The following ARHGAP12 variants were observed in gnomAD, a reference collection of about 807,000 sequenced individuals.
ARHGAP12 encodes the protein rho GTPase-activating protein 12.
ARHGAP12 carries 64 observed loss-of-function variants against 108.6 expected under a neutral mutation model. The observed-to-expected ratio is 0.59, with a 90% confidence interval of 0.48 to 0.73. The LOEUF is 0.73. Among genes scored for constraint, ARHGAP12 ranks in the 30% least tolerant of loss-of-function variants. ARHGAP12 has a pLI of 0.00. For synonymous variants in ARHGAP12, 312 were observed against 337.2 expected, an observed-to-expected ratio of 0.93 and a Z score of 0.82; for missense variants, 940 against 1,005.9, an observed-to-expected ratio of 0.93 and a Z score of 0.89.
chr10:31,871,152 T>C (rs931938909), intron 3 of ARHGAP12, among the ~76,000 whole-genome samples: 1 of 152,036 alleles, frequency 6.6e-6, no homozygotes, highest in Admixed American at 6.6e-5. Context: ...TAAAGGAAAA[T>C]AGGCGCAAGT....
intron 10 of ARHGAP12, among the ~76,000 whole-genome samples, chr10:31,829,954 T>C (rs1314849480): frequency 3.9e-5 from 6 of 152,164 alleles, no homozygotes; most frequent in Admixed American, 1.3e-4. Flanking sequence ...CACAACAGAC[T>C]GCAAGCAGAG....
At chr10:31,868,690 C>T (rs948609054) in intron 3 of ARHGAP12, among the ~76,000 whole-genome samples, 1 of 151,830 alleles carries the variant, frequency 6.6e-6, no homozygotes, top group African/African-American at 2.4e-5. Context: ...AATCCCAGCA[C>T]CTTGGGAGGT....
At chr10:31,887,662 T>G (rs1200338760) in intron 3 of ARHGAP12, among the ~76,000 whole-genome samples, 38 of 34,490 alleles carry the variant, frequency 1.1e-3, no homozygotes, top group Admixed American at 2.8e-3. Context: ...TTTTTTTTTG[T>G]TTTTTTTTTT....
intron 3 of ARHGAP12, among the ~76,000 whole-genome samples, chr10:31,869,583 T>TA (rs1199840527): frequency 4.0e-5 from 6 of 151,590 alleles, no homozygotes; most frequent in African/African-American, 7.3e-5. Flanking sequence ...CCCTCCCCCC[T>TA]AAAAAAAACA....
At chr10:31,841,098 C>A (rs1455744556) in intron 7 of ARHGAP12, among the ~76,000 whole-genome samples, 1 of 151,792 alleles carries the variant, frequency 6.6e-6, no homozygotes, top group Non-Finnish European at 1.5e-5. Flanking sequence ...GAAATAAAAA[C>A]CACAAATACA....
intron 3 of ARHGAP12, among the ~76,000 whole-genome samples, chr10:31,893,782 A>G (rs1592348494): frequency 6.6e-6 from 1 of 152,306 alleles, no homozygotes; most frequent in African/African-American, 2.4e-5. Flanking sequence ...AGCCTGGCAG[A>G]GACACAACAA....
chr10:31,821,697 CAA>C (rs1400385110), intron 11 of ARHGAP12, among the ~76,000 whole-genome samples: 11 of 152,066 alleles, frequency 7.2e-5, no homozygotes, highest in Non-Finnish European at 1.5e-4. Flanking sequence ...TGAACTTAAA[CAA>C]AAGTTAGGAT....
At chr10:31,846,899 A>ATTTTTTTTTTT (rs377177944) in intron 6 of ARHGAP12, among the ~76,000 whole-genome samples, 2 of 84,626 alleles carry the variant, frequency 2.4e-5, no homozygotes, top group Non-Finnish European at 4.5e-5. Flanking sequence ...GGCACTGTTC[A>ATTTTTTTTTTT]TTTTTTTTTT....
chr10:31,813,330 C>T (rs2132146406), intron 14 of ARHGAP12, among the ~76,000 whole-genome samples: 1 of 152,170 alleles, frequency 6.6e-6, no homozygotes, highest in East Asian at 1.9e-4. Flanking sequence ...TTTAAGCTAA[C>T]TTTCATCATA....
chr10:31,823,994 A>G (rs1835507764), intron 11 of ARHGAP12, among the ~76,000 whole-genome samples: 1 of 152,126 alleles, frequency 6.6e-6, no homozygotes, highest in South Asian at 2.1e-4. Flanking sequence ...AATAATCCCA[A>G]TTCCAGAGTT....
intron 18 of ARHGAP12, 75 bp downstream of exon 18, chr10:31,808,919 A>C: frequency 3.5e-6 from 5 of 1,445,812 alleles, no homozygotes; most frequent in Non-Finnish European, 4.7e-6. Flanking sequence ...AAGTAAGATA[A>C]AAAAAATTGG....
intron 10 of ARHGAP12, among the ~76,000 whole-genome samples, chr10:31,831,248 CAAG>C (rs763420445): frequency 2.6e-5 from 4 of 152,134 alleles, no homozygotes; most frequent in Admixed American, 6.5e-5. Context: ...GCTCTACAAG[CAAG>C]AAGTGAAACC....
chr10:31,808,007 T>C (rs1834878421), intron 19 of ARHGAP12, among the ~76,000 whole-genome samples, 175 bp from the exon 20 acceptor site: 1 of 152,226 alleles, frequency 6.6e-6, no homozygotes, highest in Non-Finnish European at 1.5e-5. Context: ...CATGTGAAGC[T>C]TTCTTTTTGA....
Position 31,839,285 on chromosome 10 carries a change from A to G in ARHGAP12, c.1386+20T>C, listed in dbSNP as rs1432750800. 3.1e-6 allele frequency: 5 copies of G among 1,605,982 alleles called. No homozygotes were observed. The highest frequency in any genetic ancestry group is 4.3e-6 in the Non-Finnish European group (5 of 1,173,926). ...ATGAAGGTGTCTATGCCTATTAAGA[A>G]GGAGAGGATTGCTTCTTACCTTTGG... On this transcript the variant is annotated intron_variant, in intron 9 of 19. Transcript: ENST00000344936.
chr10:31,915,727 A>T (rs1174737910), intron 1 of ARHGAP12, among the ~76,000 whole-genome samples: 2 of 152,204 alleles, frequency 1.3e-5, no homozygotes, highest in East Asian at 1.9e-4. Flanking sequence ...TCAATTTTTT[A>T]AAAATGTGCT....
At chr10:31,833,692 GCTATGCCTAA>G in intron 9 of ARHGAP12, among the ~76,000 whole-genome samples, 1 of 152,288 alleles carries the variant, frequency 6.6e-6, no homozygotes, top group South Asian at 2.1e-4. Flanking sequence ...CTATGAGAAA[GCTATGCCTAA>G]CTCAACCTGG....
chr10:31,852,035 C>T lies in ARHGAP12; in HGVS notation c.1170+482G>A, dbSNP rs1021986618. On this transcript the variant is annotated intron_variant, in intron 6 of 19. Coordinates refer to ENST00000344936, the MANE Select transcript of ARHGAP12 (RefSeq NM_018287.7). ...CTGGTACACTTGTCTGGAAATGAGA[C>T]GTCCAGCTAAATCCTAGGACATCTT... Among the ~76,000 whole-genome samples, 10 of 152,286 alleles carry T rather than the reference C, an allele frequency of 6.6e-5. No individual in the cohort carries two copies. In the East Asian group the frequency reaches 1.5e-3, roughly 23 times the overall value.
chr10:31,872,708 A>G (rs1354963742), intron 3 of ARHGAP12, among the ~76,000 whole-genome samples: 1 of 152,172 alleles, frequency 6.6e-6, no homozygotes, highest in African/African-American at 2.4e-5. Context: ...ATCGTTACTC[A>G]TCTGCTTAAA....
chr10:31,906,291 T>G (rs1839129859), intron 3 of ARHGAP12, among the ~76,000 whole-genome samples: 1 of 152,224 alleles, frequency 6.6e-6, no homozygotes, highest in African/African-American at 2.4e-5. Context: ...TGTTTACTAT[T>G]TTAAGCCACT....
Sources: gnomAD v4.1 joint callset for allele counts (sites outside exome capture counted in the v4.1 genomes callset) on GRCh38, gnomAD v4.1.1 for gene constraint, MANE v1.5 for transcripts, NCBI Gene and HGNC (gene_info 2026-07-23, HGNC 2026-07-21) for gene names.